The following TTN variants were observed in gnomAD, a reference collection of about 807,000 sequenced individuals.
The protein encoded by TTN is titin.
TTN carries 1,525 observed loss-of-function variants against 3,223.0 expected under a neutral mutation model. The observed-to-expected ratio is 0.47, with a 90% confidence interval of 0.45 to 0.49. TTN has a LOEUF of 0.49. TTN is among the 20% of genes least tolerant of loss of function. The pLI, the probability that TTN is intolerant of heterozygous loss-of-function variation, is 0.00. For missense variants in TTN, 40,786 were observed against 43,424.0 expected, an observed-to-expected ratio of 0.94 and a Z score of 5.40; for synonymous variants, 14,094 against 15,161.0, an observed-to-expected ratio of 0.93 and a Z score of 5.17.
At position 178,783,064 on chromosome 2, in the gene TTN, C is replaced by T. The variant is rs1234047810; in HGVS notation, c.2842G>A (p.Gly948Ser). The T allele has an allele frequency of 5.6e-6, 9 of 1,613,768 alleles. No homozygotes were observed. Among genetic ancestry groups the T allele is most frequent in the Non-Finnish European group, 7.6e-6 (9 of 1,179,892 alleles). Residue 948 changes from glycine to serine, a missense_variant and splice_region_variant, in exon 18 of 363, where the codon GGC becomes AGC. Physicochemically the swap from Gly to Ser is moderately conservative, Grantham distance 56 (BLOSUM62 0). Coordinates refer to ENST00000589042, the MANE Select transcript of TTN (RefSeq NM_001267550.2). Reference sequence around the variant, plus strand: ...TCTATGACAGTCACATTTTTTAAGCCCTGAAGAGAGGAGAAAAAATAAATA... The same window carrying T: ...TCTATGACAGTCACATTTTTTAAGCTCTGAAGAGAGGAGAAAAAATAAATA... ...IPVTPPTLVS[G>S]LKNVTVIEGE...
At chr2:178,542,052 T>TA (rs541692347) in intron 349 of TTN, 1,025 of 427,610 alleles carry the variant, frequency 2.4e-3, no homozygotes, top group East Asian at 3.6e-3. Flanking sequence ...GTGAAGATAT[T>TA]AAAAAAAAAA....
chr2:178,694,576 A>G, intron 117 of TTN, 23 bp downstream of exon 117: 1 of 1,535,364 alleles, frequency 6.5e-7, no homozygotes, highest in Middle Eastern at 1.7e-4. Context: ...TTGAACTTGT[A>G]GCTGAAACAC....
At chr2:178,793,357 A>G (rs2093612155) in intron 9 of TTN, 47 bp downstream of exon 9, 1 of 1,607,450 alleles carries the variant, frequency 6.2e-7, no homozygotes, top group African/African-American at 1.3e-5. Flanking sequence ...ATCTGTGTTG[A>G]CCCCTGTAAG....
intron 115 of TTN, 64 bp from the exon 116 acceptor site, chr2:178,694,970 ATCTC>A (rs1002140696): frequency 5.2e-6 from 6 of 1,143,860 alleles, no homozygotes; most frequent in Middle Eastern, 2.2e-4. Flanking sequence ...CTCTCTCTCT[ATCTC>A]TCTCTCTCTG....
chr2:178,667,006 G>C, intron 162 of TTN, 105 bp from the exon 163 acceptor site: 1 of 951,932 alleles, frequency 1.1e-6, no homozygotes, highest in Non-Finnish European at 1.5e-6. Flanking sequence ...ATATCTTTAT[G>C]TTAGAAATGT....
In TTN at chr2:178,534,623, T is replaced by C; in HGVS notation, c.101992A>G (p.Met33998Val). The change falls in exon 358 of 363, where the codon ATG becomes GTG. Residue 33998 changes from methionine (M) to valine (V), a missense_variant. By Grantham distance (21) the Met-to-Val change is conservative. Coordinates refer to ENST00000589042, the MANE Select transcript of TTN (RefSeq NM_001267550.2). The stretch of plus-strand genomic sequence containing the variant: ...TATACCAGTGTTCCAAGTGACCACA[T>C]GTCTGTGGCTGTGCTGACAACATCA... ...QHDVVSTATD[M>V]WSLGTLVYVL... The C allele has an allele frequency of 6.2e-7, 1 of 1,613,742 alleles. No homozygotes were observed. Among genetic ancestry groups the C allele is most frequent in the Non-Finnish European group, 8.5e-7 (1 of 1,179,662 alleles).
At position 178,573,747 on chromosome 2, in the gene TTN, G is replaced by T. The variant is rs769979644; in HGVS notation, c.72385C>A (p.Pro24129Thr). The change falls in exon 326 of 363, where the codon CCT becomes ACT. Residue 24129 changes from proline (P) to threonine (T), a missense_variant. Physicochemically the swap from Pro to Thr is conservative, Grantham distance 38. Transcript: ENST00000589042. Reference sequence around the variant, plus strand: ...GATGTCACTTCAGTTACAGCCAAAGGTCCTTCAGGTGGGCCTGGTCTGTCA... The same window carrying T: ...GATGTCACTTCAGTTACAGCCAAAGTTCCTTCAGGTGGGCCTGGTCTGTCA... ...VLDRPGPPEG[P>T]LAVTEVTSEK... The T allele has an allele frequency of 6.3e-7, 1 of 1,579,398 alleles. No homozygotes were observed. The highest frequency in any genetic ancestry group is 8.6e-7 in the Non-Finnish European group (1 of 1,164,692).
rs762462745 is a variant in TTN at position 178,554,453 on chromosome 2, C to G, written c.88894G>C (p.Val29632Leu). Residue 29632 changes from valine (V) to leucine (L), a missense_variant and splice_region_variant, in exon 332 of 363, where the codon GTT (valine) becomes CTT (leucine). Coordinates refer to ENST00000589042, the MANE Select transcript of TTN (RefSeq NM_001267550.2). ...SDSVVAKNAF[V>L]TPGPPGIPEV... ...GTTTTCTAATGAAATCATGTCTCAC[C>G]AAATGCGTTCTTGGCTACAACGGAA... 1.9e-6 allele frequency: 3 copies of G among 1,612,458 alleles called. No individual in the cohort carries two copies. Among genetic ancestry groups the G allele is most frequent in the Non-Finnish European group, 1.7e-6 (2 of 1,179,220 alleles).
At chr2:178,796,018 A>AT (rs2093751426) in intron 6 of TTN, among the ~76,000 whole-genome samples, 1 of 152,126 alleles carries the variant, frequency 6.6e-6, no homozygotes, top group Non-Finnish European at 1.5e-5. Context: ...TGATTCTGTG[A>AT]TTTTTGGGTA....
At position 178,756,364 on chromosome 2, in the gene TTN, C is replaced by G; in HGVS notation, c.11112G>C (p.Glu3704Asp). 4.3e-6 allele frequency: 7 copies of G among 1,613,826 alleles called. No homozygotes were observed. Among genetic ancestry groups the G allele is most frequent in the Non-Finnish European group, 5.1e-6 (6 of 1,179,826 alleles). The change falls in exon 46 of 363, where the codon GAG becomes GAC. Residue 3704 changes from glutamate to aspartate, a missense_variant. Physicochemically the swap from Glu to Asp is conservative, Grantham distance 45. Coordinates refer to ENST00000589042, the MANE Select transcript of TTN (RefSeq NM_001267550.2). ...TTCCATTTTGTGATTGTTTCAGTCTCTCGGATTCCTCTATCTTTGCACCTT... is the reference window on the plus strand; with the variant it reads ...TTCCATTTTGTGATTGTTTCAGTCTGTCGGATTCCTCTATCTTTGCACCTT... ...THEGAKIEES[E>D]RLKQSQNGNI...
chr2:178,701,891 G>T, intron 109 of TTN, 149 bp downstream of exon 109: 1 of 850,616 alleles, frequency 1.2e-6, no homozygotes, highest in Non-Finnish European at 1.8e-6. Context: ...TTATTTGACT[G>T]AAAGTAATTC....
chr2:178,566,061 C>T lies in TTN; in HGVS notation c.80071G>A (p.Ala26691Thr). The T allele has an allele frequency of 6.2e-7, 1 of 1,613,572 alleles. No individual in the cohort carries two copies. The highest frequency in any genetic ancestry group is 8.5e-7 in the Non-Finnish European group (1 of 1,179,646). ...LDTPGPPQNL[A>T]VKEVRKDSAF... ...GAATCTTTTCTCACTTCTTTGACTGCCAAATTCTGTGGTGGTCCTGGAGTG... is the reference window on the plus strand; with the variant it reads ...GAATCTTTTCTCACTTCTTTGACTGTCAAATTCTGTGGTGGTCCTGGAGTG... Residue 26691 changes from alanine to threonine, a missense_variant, in exon 326 of 363, where the codon GCA (alanine) becomes ACA (threonine). Ala to Thr is a moderately conservative substitution (Grantham distance 58). Transcript: ENST00000589042.
chr2:178,541,034 G>T, intron 350 of TTN: 1 of 334,048 alleles, frequency 3.0e-6, no homozygotes, highest in Non-Finnish European at 5.4e-6. Flanking sequence ...AGTGGAAATT[G>T]ACTCCAGAGA....
chr2:178,755,891 A>G (rs1376270548), intron 46 of TTN, among the ~76,000 whole-genome samples: 3 of 152,220 alleles, frequency 2.0e-5, no homozygotes, highest in African/African-American at 7.2e-5. Flanking sequence ...TAAATACCCA[A>G]TAAGTACTTC....
In TTN at chr2:178,543,659, G is replaced by A. The variant is rs768124637; in HGVS notation, c.96314C>T (p.Thr32105Ile). 1.9e-6 allele frequency: 3 copies of A among 1,580,164 alleles called. No individual in the cohort carries two copies. The highest frequency in any genetic ancestry group is 1.1e-5 in the South Asian group (1 of 87,934). The change falls in exon 347 of 363, where the codon ACT becomes ATT. Residue 32105 changes from threonine to isoleucine, a missense_variant. Physicochemically the swap from Thr to Ile is moderately conservative, Grantham distance 89. Coordinates refer to ENST00000589042, the MANE Select transcript of TTN (RefSeq NM_001267550.2). Reference sequence around the variant, plus strand: ...TTTCACTGAAGGACAGGGACCAGGAGTATCTGAAAAACAGAATGAAAGATT... The same window carrying A: ...TTTCACTGAAGGACAGGGACCAGGAATATCTGAAAAACAGAATGAAAGATT... Reference protein sequence around the residue: ...SATVLVKVYDTPGPCPSVKVK... With the variant: ...SATVLVKVYDIPGPCPSVKVK...
chr2:178,732,379 G>A, intron 56 of TTN, 32 bp from the exon 57 acceptor site: 2 of 1,575,378 alleles, frequency 1.3e-6, no homozygotes, highest in Non-Finnish European at 1.7e-6. Flanking sequence ...TAAGAAATGT[G>A]AGAAAGAGGA....
chr2:178,704,453 A>G (rs755219012), intron 105 of TTN, 46 bp from the exon 106 acceptor site: 1 of 1,601,778 alleles, frequency 6.2e-7, no homozygotes, highest in Non-Finnish European at 8.5e-7. Flanking sequence ...TCACACGCAG[A>G]TGTGCTCAAC....
Position 178,543,070 on chromosome 2 carries a change from T to G in TTN, c.96903A>C (p.Arg32301Ser), listed in dbSNP as rs1239064814. 6.4e-7 allele frequency: 1 copy of G among 1,567,128 alleles called. No individual in the cohort carries two copies. The highest frequency in any genetic ancestry group is 1.8e-5 in the Admixed American group (1 of 55,792). ...TTTTTTTGGCTATTTGGTACATACC[T>G]CTGAGGTCTTGTACAGTCACGGCTG... ...TVTAVTVQDLRVLPTIDLSTM... is the reference protein window; with the variant it reads ...TVTAVTVQDLSVLPTIDLSTM... The change falls in exon 347 of 363, where the codon AGA becomes AGC. Residue 32301 changes from arginine to serine, a missense_variant and splice_region_variant. Arg to Ser is a moderately radical substitution (Grantham distance 110). Transcript: ENST00000589042.
intron 27 of TTN, 26 bp downstream of exon 27, chr2:178,777,123 C>G: frequency 6.2e-7 from 1 of 1,613,902 alleles, no homozygotes; most frequent in Admixed American, 1.7e-5. Context: ...GTATAATGAG[C>G]TTAGCTTTAT....
Sources: allele counts gnomAD v4.1 joint callset (sites outside exome capture counted in the v4.1 genomes callset), GRCh38; gene constraint gnomAD v4.1.1; transcripts MANE v1.5; gene names NCBI Gene and HGNC (gene_info 2026-07-23, HGNC 2026-07-21).